ABCA12: variants seen among roughly 807,000 people sequenced by gnomAD.
The protein encoded by ABCA12 is ATP binding cassette subfamily A member 12, also known as glucosylceramide transporter ABCA12.
Under a neutral mutation model 293.5 loss-of-function variants are expected in ABCA12, and 156 were observed. The observed-to-expected ratio is 0.53, with a 90% CI of 0.47 to 0.61. The LOEUF is 0.61. ABCA12 is among the 20% of genes least tolerant of loss of function. The pLI, the probability that ABCA12 is intolerant of heterozygous loss-of-function variation, is 0.00. For missense variants in ABCA12, 2,797 were observed against 3,090.2 expected (o/e 0.91, Z 2.25); for synonymous variants, 1,063 against 1,108.0 (o/e 0.96, Z 0.81).
At position 215,112,121 on chromosome 2, in the gene ABCA12, T is replaced by A. The variant is rs1702584132; in HGVS notation, c.70-431A>T. ...TATTTTAGCCCTTTCAATGTCAGCATTCTATGCTCAGTCATAAAGACTGGT... is the reference window on the plus strand; with the variant it reads ...TATTTTAGCCCTTTCAATGTCAGCAATCTATGCTCAGTCATAAAGACTGGT... On this transcript the variant is annotated intron_variant, in intron 1 of 52. Transcript: ENST00000272895. Among the ~76,000 whole-genome samples, 6 of 152,312 alleles carry A rather than the reference T, an allele frequency of 3.9e-5. No individual in the cohort carries two copies. In the South Asian group the frequency reaches 1.0e-3, roughly 26 times the overall value.
In ABCA12 at chr2:214,958,292, G is replaced by A. The variant is rs139124977; in HGVS notation, c.6102C>T (p.Asn2034=). The change falls in exon 41 of 53, where the codon AAC becomes AAT. Residue 2034 remains asparagine, a synonymous_variant. Coordinates refer to ENST00000272895, the MANE Select transcript of ABCA12 (RefSeq NM_173076.3). ...AGTTACTCACCATGTCATAAATGAA[G>A]TTTGTTACCCAGTAGCATGTCACGC... is the stretch of plus-strand genomic sequence containing the variant. The part of the protein sequence containing the change: ...GIGVTCYWVT[N]FIYDMVFYLV... 4.2e-5 allele frequency: 67 copies of A among 1,613,874 alleles called. No individual in the cohort carries two copies. Among genetic ancestry groups the A allele is most frequent in the Non-Finnish European group, 5.3e-5 (62 of 1,179,864 alleles).
At position 215,019,668 on chromosome 2, in the gene ABCA12, T is replaced by G; in HGVS notation, c.1416A>C (p.Gln472His). The G allele has an allele frequency of 6.2e-7, 1 of 1,613,964 alleles. No individual in the cohort carries two copies. The highest frequency in any genetic ancestry group is 1.1e-5 in the South Asian group (1 of 91,074). ...TGCCCAGCTCTGCCGCTTCGAGGAGTTGCAGATCAAACTCACTTTCTTCAC... is the reference window on the plus strand; with the variant it reads ...TGCCCAGCTCTGCCGCTTCGAGGAGGTGCAGATCAAACTCACTTTCTTCAC... ...SLCEESEFDL[Q>H]LLEAAELGTE... The change falls in exon 12 of 53, where the codon CAA becomes CAC. Residue 472 changes from glutamine (Q) to histidine (H), a missense_variant. This residue lies in a region of ABCA12 where 656 missense variants were observed against 638.2 expected (regional missense o/e 1.03). Coordinates refer to ENST00000272895, the MANE Select transcript of ABCA12 (RefSeq NM_173076.3).
chr2:215,011,702 C>T (rs1700378222), intron 16 of ABCA12, 53 bp from the exon 17 acceptor site: 1 of 1,538,712 alleles, frequency 6.5e-7, no homozygotes, highest in East Asian at 2.2e-5. Flanking sequence ...TTAGAAGCTA[C>T]TGAAAACAAC....
At chr2:214,935,532 C>T (rs79767626) in intron 51 of ABCA12, among the ~76,000 whole-genome samples, 3,131 of 152,242 alleles carry the variant, frequency 0.021, 102 homozygotes, top group African/African-American at 0.071. Context: ...TGTGGTGGCT[C>T]ACAGCTGTAA....
At chr2:215,079,799 G>T (rs2372481) in intron 2 of ABCA12, among the ~76,000 whole-genome samples, 73,114 of 151,720 alleles carry the variant, frequency 0.48, 18,830 homozygotes, top group South Asian at 0.68. Flanking sequence ...ATGAACAGAA[G>T]CGTTCAATTC....
chr2:215,113,089 C>T (rs1180932020), intron 1 of ABCA12, among the ~76,000 whole-genome samples: 1 of 152,184 alleles, frequency 6.6e-6, no homozygotes, highest in African/African-American at 2.4e-5. Context: ...TTTTCAGAGA[C>T]AATTTGCTTC....
chr2:215,095,882 T>C (rs1290464670), intron 2 of ABCA12, among the ~76,000 whole-genome samples: 1 of 152,122 alleles, frequency 6.6e-6, no homozygotes, highest in Non-Finnish European at 1.5e-5. Flanking sequence ...AATTTTCCAC[T>C]ACCTACCCAA....
chr2:215,054,723 A>G (rs1407473554), intron 3 of ABCA12, 59 bp from the exon 4 acceptor site: 7 of 1,309,746 alleles, frequency 5.3e-6, no homozygotes, highest in Non-Finnish European at 7.7e-6. Context: ...AGTTACAGCA[A>G]TGTATTATGT....
At chr2:215,130,895 T>C (rs1325441442) in intron 1 of ABCA12, among the ~76,000 whole-genome samples, 2 of 152,052 alleles carry the variant, frequency 1.3e-5, no homozygotes, top group Non-Finnish European at 2.9e-5. Context: ...ATGACTGTTA[T>C]TATTTTGAGG....
intron 2 of ABCA12, among the ~76,000 whole-genome samples, chr2:215,107,172 T>C (rs1199663225): frequency 6.6e-6 from 1 of 152,214 alleles, no homozygotes; most frequent in Admixed American, 6.5e-5. Flanking sequence ...TTTACTGTAC[T>C]TGAAAAATAG....
intron 50 of ABCA12, among the ~76,000 whole-genome samples, chr2:214,938,496 G>A (rs1574921330): frequency 1.3e-5 from 2 of 152,082 alleles, no homozygotes; most frequent in South Asian, 4.1e-4. Flanking sequence ...GGGATTGCTG[G>A]GTCAAATGGT....
At position 215,018,051 on chromosome 2, in the gene ABCA12, A is replaced by C; in HGVS notation, c.1739T>G (p.Ile580Ser). Residue 580 changes from isoleucine (I) to serine (S), a missense_variant, in exon 14 of 53, where the codon ATT becomes AGT. Physicochemically the swap from Ile to Ser is moderately radical, Grantham distance 142 (BLOSUM62 -2). This residue lies in a region of ABCA12 where 656 missense variants were observed against 638.2 expected (regional missense o/e 1.03). Coordinates refer to ENST00000272895, the MANE Select transcript of ABCA12 (RefSeq NM_173076.3). ...GATGGGAATGGCCAGCAACTTGTCA[A>C]TAGTCCTGTTGGACATTCCTGTTGT... ...RRTTGMSNRT[I>S]DKLLAIPIPD... 1 of 1,614,190 alleles carries C rather than the reference A, an allele frequency of 6.2e-7. No homozygotes were observed.
intron 3 of ABCA12, among the ~76,000 whole-genome samples, chr2:215,062,854 C>G (rs889054144): frequency 2.0e-5 from 3 of 152,048 alleles, no homozygotes; most frequent in African/African-American, 7.2e-5. Context: ...CACTAGCACA[C>G]TCATTATTAT....
At chr2:215,087,502 GTGTGTGCA>G (rs1370420632) in intron 2 of ABCA12, among the ~76,000 whole-genome samples, 1 of 151,740 alleles carries the variant, frequency 6.6e-6, no homozygotes, top group Non-Finnish European at 1.5e-5. Flanking sequence ...GTGTGTGTGT[GTGTGTGCA>G]TGTGTGTGTG....
intron 6 of ABCA12, among the ~76,000 whole-genome samples, chr2:215,046,454 C>G (rs10167689): frequency 6.8e-6 from 1 of 146,226 alleles, no homozygotes; most frequent in Admixed American, 6.9e-5. Context: ...AGTAGAGATA[C>G]GGATAGATTT....
intron 52 of ABCA12, among the ~76,000 whole-genome samples, chr2:214,933,225 C>T (rs994629088): frequency 8.5e-5 from 13 of 152,166 alleles, no homozygotes; most frequent in Non-Finnish European, 1.8e-4. Context: ...AAGCCAATTA[C>T]TTAACAGGCA....
rs371065059 is a variant in ABCA12, at chr2:215,099,942, A to G, written c.163+11655T>C. ...ACAGACTTCCAATGTTTCCATTACT[A>G]CAGGATAAAATCTAGACTCCTAGTC... On this transcript the variant is annotated intron_variant, in intron 2 of 52. Transcript: ENST00000272895. Among the ~76,000 whole-genome samples, 25 of 152,116 alleles carry G rather than the reference A, an allele frequency of 1.6e-4. No individual in the cohort carries two copies. In the East Asian group the frequency reaches 4.1e-3, roughly 25 times the overall value.
chr2:214,966,774 G>A, intron 39 of ABCA12, 74 bp downstream of exon 39: 1 of 1,361,444 alleles, frequency 7.3e-7, no homozygotes, highest in Non-Finnish European at 1.1e-6. Flanking sequence ...TGAAGAAACA[G>A]GATATAAAGT....
chr2:214,967,011 T>G, intron 38 of ABCA12, 58 bp from the exon 39 acceptor site: 1 of 1,287,688 alleles, frequency 7.8e-7, no homozygotes, highest in Non-Finnish European at 1.1e-6. Context: ...TTAGGCTGTC[T>G]TAACATCTGA....
Sources: allele counts gnomAD v4.1 joint callset (sites outside exome capture counted in the v4.1 genomes callset), GRCh38; gene constraint gnomAD v4.1.1; regional missense constraint gnomAD v4.1.1; transcripts MANE v1.5; gene names NCBI Gene and HGNC (gene_info 2026-07-23, HGNC 2026-07-21).